Variants in GRIK2 observed in about 807,000 individuals in gnomAD.
GRIK2 encodes glutamate ionotropic receptor kainate type subunit 2.
GRIK2 carries 32 observed loss-of-function variants against 100.3 expected under a neutral mutation model. The ratio of observed to expected loss-of-function variants is 0.32; its 90% CI spans 0.24 to 0.43. The LOEUF (loss-of-function observed/expected upper bound fraction) is 0.43, where lower values mean the gene tolerates loss of function less well. Among genes scored for constraint, GRIK2 ranks in the 20% least tolerant of loss-of-function variants. The pLI is 1.00. For synonymous variants in GRIK2, 417 were observed against 389.4 expected (o/e 1.07, Z -0.83); for missense variants, 843 against 1,114.9 (o/e 0.76, Z 3.47).
chr6:101,693,832 G>A (rs1279828619), intron 7 of GRIK2, among the ~76,000 whole-genome samples: 1 of 151,842 alleles, frequency 6.6e-6, no homozygotes, highest in Non-Finnish European at 1.5e-5. Flanking sequence ...CATGTGATAT[G>A]ATTATATCAT....
chr6:101,783,488 A>C (rs1433887669), intron 7 of GRIK2, among the ~76,000 whole-genome samples: 1 of 152,192 alleles, frequency 6.6e-6, no homozygotes, highest in Non-Finnish European at 1.5e-5. Flanking sequence ...AGCAGTGTGA[A>C]AAATGGACTA....
In GRIK2 at chr6:101,635,377, C is replaced by T. The variant is rs145422439; in HGVS notation, c.541+8740C>T. ...ACTCAAGATGGATTAAAGACTTAAA[C>T]GTAAGACCAAAAACCCTAAAAACCC... On this transcript the variant is annotated intron_variant, in intron 4 of 16. Transcript: ENST00000369134. Among the ~76,000 whole-genome samples the T allele has an allele frequency of 5.9e-5, 9 of 151,972 alleles. No homozygotes were observed. The South Asian group carries it at 6.2e-4, about 11-fold the overall frequency.
intron 14 of GRIK2, among the ~76,000 whole-genome samples, chr6:101,994,220 T>C (rs559409521): frequency 1.3e-5 from 2 of 151,382 alleles, no homozygotes; most frequent in African/African-American, 4.8e-5. Flanking sequence ...AATCTCTCCA[T>C]GATACGAAGT....
intron 2 of GRIK2, among the ~76,000 whole-genome samples, chr6:101,435,535 T>A (rs1012071073): frequency 1.3e-5 from 2 of 152,096 alleles, no homozygotes; most frequent in African/African-American, 4.8e-5. Flanking sequence ...TTTCTCCCAG[T>A]TTGTTGGTGA....
At chr6:101,727,146 A>G (rs1774929543) in intron 7 of GRIK2, among the ~76,000 whole-genome samples, 1 of 152,058 alleles carries the variant, frequency 6.6e-6, no homozygotes, top group South Asian at 2.1e-4. Flanking sequence ...TTAAATATGT[A>G]TTGAATACCA....
At chr6:102,048,339 A>C (rs1348910567) in intron 15 of GRIK2, among the ~76,000 whole-genome samples, 2 of 152,088 alleles carry the variant, frequency 1.3e-5, no homozygotes, top group Non-Finnish European at 2.9e-5. Flanking sequence ...TGCAGGCAAC[A>C]AAAGCAAAAA....
chr6:101,780,786 G>A (rs749773043), intron 7 of GRIK2, among the ~76,000 whole-genome samples: 1 of 152,112 alleles, frequency 6.6e-6, no homozygotes, highest in African/African-American at 2.4e-5. Flanking sequence ...TCTAAATTTG[G>A]GTGTAAGAGA....
intron 2 of GRIK2, among the ~76,000 whole-genome samples, chr6:101,528,600 A>AC (rs1775267298): frequency 1.3e-5 from 2 of 152,112 alleles, no homozygotes; most frequent in African/African-American, 4.8e-5. Context: ...GGGAACAAAC[A>AC]CACCTCTGCA....
At chr6:101,790,334 G>T (rs541448928) in intron 7 of GRIK2, among the ~76,000 whole-genome samples, 2 of 152,072 alleles carry the variant, frequency 1.3e-5, no homozygotes, top group Admixed American at 6.6e-5. Context: ...TATGATATTG[G>T]CTGTGGGTTT....
intron 2 of GRIK2, among the ~76,000 whole-genome samples, chr6:101,434,421 A>C (rs1043929891): frequency 1.3e-5 from 2 of 152,180 alleles, no homozygotes; most frequent in African/African-American, 4.8e-5. Context: ...AAACTTTCAC[A>C]TACTTTGTAG....
chr6:101,661,911 G>A (rs761641316), intron 4 of GRIK2, among the ~76,000 whole-genome samples: 9 of 151,972 alleles, frequency 5.9e-5, no homozygotes, highest in Non-Finnish European at 8.8e-5. Flanking sequence ...GTTCCTATTC[G>A]GCCATCTTCC....
chr6:101,661,533 T>A (rs1403625718), intron 4 of GRIK2, among the ~76,000 whole-genome samples: 1 of 152,002 alleles, frequency 6.6e-6, no homozygotes, highest in African/African-American at 2.4e-5. Context: ...GAAAAAACAC[T>A]CCTGCAGCTA....
intron 2 of GRIK2, among the ~76,000 whole-genome samples, chr6:101,562,631 C>A (rs1352654088): frequency 6.6e-6 from 1 of 152,094 alleles, no homozygotes; most frequent in Non-Finnish European, 1.5e-5. Context: ...GTGTGAGCCA[C>A]CGTGCCCGGC....
At chr6:101,941,070 A>G (rs1022391938) in intron 14 of GRIK2, among the ~76,000 whole-genome samples, 4 of 152,118 alleles carry the variant, frequency 2.6e-5, no homozygotes, top group African/African-American at 9.7e-5. Flanking sequence ...GATTTCTTCT[A>G]TGTACTACTG....
Position 102,008,595 on chromosome 6 carries a change from T to C in GRIK2, c.2086-26746T>C, listed in dbSNP as rs548682392. Among the ~76,000 whole-genome samples, 161 of 152,266 alleles carry C rather than the reference T, an allele frequency of 1.1e-3. 4 individuals are homozygous for C. The South Asian group carries it at 0.033, about 31-fold the overall frequency. ...AAGAATTGAATTCTAGAAGGAATTT[T>C]GCCTCTAAAACATGAGATGCTAACA... On this transcript the variant is annotated intron_variant, in intron 14 of 16. Coordinates refer to ENST00000369134, the MANE Select transcript of GRIK2 (RefSeq NM_021956.5).
intron 14 of GRIK2, among the ~76,000 whole-genome samples, chr6:101,948,957 T>G (rs1791445714): frequency 6.6e-6 from 1 of 152,162 alleles, no homozygotes; most frequent in Non-Finnish European, 1.5e-5. Flanking sequence ...ATGTGTAATT[T>G]CCTCCAGTCG....
intron 7 of GRIK2, among the ~76,000 whole-genome samples, chr6:101,732,974 G>A (rs1362377238): frequency 6.6e-6 from 1 of 151,966 alleles, no homozygotes; most frequent in Middle Eastern, 3.2e-3. Context: ...CCACTCTCAG[G>A]ATCATATATA....
At chr6:101,535,592 C>T (rs1775652849) in intron 2 of GRIK2, among the ~76,000 whole-genome samples, 1 of 149,500 alleles carries the variant, frequency 6.7e-6, no homozygotes, top group Non-Finnish European at 1.5e-5. Context: ...TATATCTGCT[C>T]ACATCCTCTT....
chr6:101,654,889 C>T (rs1364066649), intron 4 of GRIK2, among the ~76,000 whole-genome samples: 3 of 152,120 alleles, frequency 2.0e-5, no homozygotes, highest in Admixed American at 2.0e-4. Context: ...CTCAGCTCTT[C>T]CTTGTGTTAA....
Sources: gnomAD v4.1 joint callset for allele counts (sites outside exome capture counted in the v4.1 genomes callset) on GRCh38, gnomAD v4.1.1 for gene constraint, MANE v1.5 for transcripts, NCBI Gene and HGNC (gene_info 2026-07-23, HGNC 2026-07-21) for gene names.